The following SDK1 variants were observed in gnomAD, a reference collection of about 807,000 sequenced individuals.
The protein encoded by SDK1 is protein sidekick-1.
A neutral mutation model predicts 245.5 loss-of-function variants in SDK1; 157 were observed. That is an observed-to-expected ratio of 0.64 (90% CI 0.56 to 0.73). The LOEUF is 0.73. SDK1 is among the 30% of genes least tolerant of loss of function. The pLI, the probability that SDK1 is intolerant of heterozygous loss-of-function variation, is 0.00. For missense variants in SDK1, 3,583 were observed against 3,002.3 expected, an observed-to-expected ratio of 1.19 and a Z score of -4.52; for synonymous variants, 1,647 against 1,278.5, an observed-to-expected ratio of 1.29 and a Z score of -6.15.
At position 3,356,198 on chromosome 7, in the gene SDK1, G is replaced by A. The variant is rs369925232; in HGVS notation, c.298+54314G>A. On this transcript the variant is annotated intron_variant, in intron 1 of 44. Transcript: ENST00000404826. ...AATATCTGTAGTTTTGGAAAATTGAGACAGTGCTTGCCCTTCTCTAGTCAT... is the reference window on the plus strand; with the variant it reads ...AATATCTGTAGTTTTGGAAAATTGAAACAGTGCTTGCCCTTCTCTAGTCAT... Among the ~76,000 whole-genome samples, 8 of 152,246 alleles carry A rather than the reference G, an allele frequency of 5.3e-5. No homozygotes were observed. In the East Asian group the frequency reaches 7.7e-4, roughly 15 times the overall value.
At chr7:3,304,099 A>G (rs1268977718) in intron 1 of SDK1, among the ~76,000 whole-genome samples, 4 of 152,214 alleles carry the variant, frequency 2.6e-5, no homozygotes, top group African/African-American at 9.7e-5. Context: ...TTTATAACCT[A>G]GGTTACAGAC....
intron 33 of SDK1, among the ~76,000 whole-genome samples, chr7:4,174,883 C>T (rs533283437): frequency 6.6e-6 from 1 of 152,318 alleles, no homozygotes; most frequent in Admixed American, 6.5e-5. Context: ...GGCTGCCCTG[C>T]CCGTTCCCAC....
At chr7:3,981,653 A>C (rs1325855834) in intron 13 of SDK1, among the ~76,000 whole-genome samples, 1 of 152,196 alleles carries the variant, frequency 6.6e-6, no homozygotes, top group Non-Finnish European at 1.5e-5. Context: ...AGAAAGTTTG[A>C]GTGGTCTGGA....
intron 28 of SDK1, among the ~76,000 whole-genome samples, chr7:4,137,113 C>T (rs1265416478): frequency 6.6e-6 from 1 of 152,192 alleles, no homozygotes; most frequent in Admixed American, 6.5e-5. Context: ...TTTTGTTTCC[C>T]AGGGAAGTGC....
At chr7:3,663,689 G>A (rs1209164388) in intron 4 of SDK1, among the ~76,000 whole-genome samples, 1 of 152,170 alleles carries the variant, frequency 6.6e-6, no homozygotes, top group Non-Finnish European at 1.5e-5. Context: ...AACCGAGATG[G>A]CTGGCCACCC....
At chr7:3,663,674 G>C (rs1173982369) in intron 4 of SDK1, among the ~76,000 whole-genome samples, 1 of 152,110 alleles carries the variant, frequency 6.6e-6, no homozygotes, top group African/African-American at 2.4e-5. Context: ...CTCAGTCCCT[G>C]GGCAAACCGA....
At chr7:4,189,380 A>C (rs865920707) in intron 35 of SDK1, among the ~76,000 whole-genome samples, 4 of 152,348 alleles carry the variant, frequency 2.6e-5, no homozygotes, top group African/African-American at 9.6e-5. Flanking sequence ...TTAGTCCAGC[A>C]AAAAGAGCAA....
At chr7:3,738,492 CTTG>C (rs1779383753) in intron 4 of SDK1, among the ~76,000 whole-genome samples, 1 of 152,168 alleles carries the variant, frequency 6.6e-6, no homozygotes, top group Non-Finnish European at 1.5e-5. Context: ...GACTTCCTAT[CTTG>C]TTATTCTTTT....
chr7:4,103,025 G>C (rs1351748312), intron 22 of SDK1, among the ~76,000 whole-genome samples: 3 of 126,592 alleles, frequency 2.4e-5, no homozygotes, highest in Non-Finnish European at 4.9e-5. Flanking sequence ...TTTGGAGACA[G>C]AGTCTCACTC....
intron 5 of SDK1, among the ~76,000 whole-genome samples, chr7:3,870,098 C>T: frequency 6.6e-6 from 1 of 152,106 alleles, no homozygotes; most frequent in Non-Finnish European, 1.5e-5. Flanking sequence ...TTTAAAAATG[C>T]ATCATTCTTT....
chr7:3,748,461 G>A (rs952131626), intron 4 of SDK1, among the ~76,000 whole-genome samples: 4 of 152,104 alleles, frequency 2.6e-5, no homozygotes, highest in African/African-American at 7.2e-5. Context: ...CCATTAAATG[G>A]CGAGTAGTCA....
At chr7:4,149,038 G>A (rs763965128) in intron 29 of SDK1, among the ~76,000 whole-genome samples, 8 of 148,960 alleles carry the variant, frequency 5.4e-5, no homozygotes, top group Non-Finnish European at 1.2e-4. Flanking sequence ...CCTGGTGACA[G>A]AGTGAGACTC....
chr7:3,521,176 C>T lies in SDK1; in HGVS notation c.299-97904C>T, dbSNP rs146290127. 2.6e-3 allele frequency among the ~76,000 whole-genome samples: 402 copies of T among 152,260 alleles called. 1 individual carries two copies. Among genetic ancestry groups the T allele is most frequent in the African/African-American group, 9.2e-3 (382 of 41,552 alleles). On this transcript the variant is annotated intron_variant, in intron 1 of 44. Coordinates refer to ENST00000404826, the MANE Select transcript of SDK1 (RefSeq NM_152744.4). ...GGCTGCTCACATCCCTTCGTGTTTT[C>T]CATGTGACCCTGTCCAGCAAGAGCA...
At chr7:3,878,556 G>A (rs1284389356) in intron 5 of SDK1, among the ~76,000 whole-genome samples, 1 of 152,018 alleles carries the variant, frequency 6.6e-6, no homozygotes, top group Non-Finnish European at 1.5e-5. Flanking sequence ...ATAAATAAAG[G>A]CTTTTTAACC....
intron 4 of SDK1, among the ~76,000 whole-genome samples, chr7:3,656,739 C>G (rs202202116): frequency 3.2e-5 from 4 of 125,524 alleles, no homozygotes; most frequent in African/African-American, 5.9e-5. Flanking sequence ...TGGTGGAAAT[C>G]TTTTTTTTTT....
intron 28 of SDK1, among the ~76,000 whole-genome samples, chr7:4,139,595 A>ATGTGTGTGTGTGTATGTGTGTGTG (rs1562872159): frequency 1.5e-5 from 1 of 65,714 alleles, no homozygotes; most frequent in Non-Finnish European, 3.0e-5. Context: ...GTGTGTGTAT[A>ATGTGTGTGTGTGTATGTGTGTGTG]TGTATATATG....
Position 4,158,549 on chromosome 7 carries a change from A to G in SDK1, c.4727A>G (p.Asp1576Gly), listed in dbSNP as rs199631090. 6.2e-7 allele frequency: 1 copy of G among 1,610,978 alleles called. No individual in the cohort carries two copies. Among genetic ancestry groups the G allele is most frequent in the Admixed American group, 1.7e-5 (1 of 60,016 alleles). ...ACAGAGGCGGTGACCACGCTGCAGG[A>G]TGGTGAGCAACCCGGGGCCCAGACC... ...SETEAVTTLQ[D>G]VPGEPPGSVS... The change falls in exon 31 of 45, where the codon GAT becomes GGT. Residue 1576 changes from aspartate (D) to glycine (G), a missense_variant and splice_region_variant. Transcript: ENST00000404826.
intron 1 of SDK1, among the ~76,000 whole-genome samples, chr7:3,535,144 T>C (rs1459328634): frequency 6.6e-6 from 1 of 151,990 alleles, no homozygotes; most frequent in Non-Finnish European, 1.5e-5. Context: ...GGCATGGTGA[T>C]ACGCACCTGT....
At chr7:3,920,980 A>G (rs1211760579) in intron 5 of SDK1, among the ~76,000 whole-genome samples, 1 of 152,222 alleles carries the variant, frequency 6.6e-6, no homozygotes, top group African/African-American at 2.4e-5. Context: ...CAACATAGAA[A>G]CAGATAAACT....
Sources: gnomAD v4.1 joint callset for allele counts (sites outside exome capture counted in the v4.1 genomes callset) on GRCh38, gnomAD v4.1.1 for gene constraint, MANE v1.5 for transcripts, NCBI Gene and HGNC (gene_info 2026-07-23, HGNC 2026-07-21) for gene names.